The following SLC35E2B variants were observed in gnomAD, a reference collection of about 807,000 sequenced individuals.
SLC35E2B encodes the protein solute carrier family 35, member E2B.
SLC35E2B carries 18 observed loss-of-function variants against 32.4 expected under a neutral mutation model. The observed-to-expected ratio is 0.56, with a 90% CI of 0.38 to 0.82. The LOEUF (loss-of-function observed/expected upper bound fraction) is 0.82, where lower values mean the gene tolerates loss of function less well. Ranked by LOEUF, SLC35E2B falls within the 40% of genes least tolerant of loss-of-function variation. SLC35E2B has a pLI of 0.00. For synonymous variants in SLC35E2B, 132 were observed against 209.1 expected, an observed-to-expected ratio of 0.63 and a Z score of 3.18; for missense variants, 263 against 469.5, an observed-to-expected ratio of 0.56 and a Z score of 4.06.
chr1:1,679,504 T>C (rs1643881220), intron 2 of SLC35E2B, among the ~76,000 whole-genome samples: 2 of 152,118 alleles, frequency 1.3e-5, no homozygotes, highest in African/African-American at 4.8e-5. Flanking sequence ...CACACTTCAC[T>C]GACGCTGCCG....
chr1:1,670,423 AT>A (rs34950577), intron 6 of SLC35E2B: 75,461 of 211,734 alleles, frequency 0.36, 10,118 homozygotes, highest in Non-Finnish European at 0.45. Flanking sequence ...CGCCCAACAG[AT>A]TTTTTTTTTT....
rs1271154486 is a variant in SLC35E2B at position 1,688,635 on chromosome 1, A to G, written c.-148+2341T>C. Among the ~76,000 whole-genome samples the G allele has an allele frequency of 2.0e-5, 3 of 151,220 alleles. No homozygotes were observed. In the East Asian group the frequency reaches 5.8e-4, roughly 29 times the overall value. On this transcript the variant is annotated intron_variant, in intron 2 of 9. Transcript: ENST00000617444. ...AAAGCTTAGAAACAAGAGGCTATGT[A>G]GTCTCGAGATAGATCCAGCCCTATG...
chr1:1,679,258 C>G (rs182818701), intron 2 of SLC35E2B, among the ~76,000 whole-genome samples: 1 of 152,174 alleles, frequency 6.6e-6, no homozygotes, highest in Non-Finnish European at 1.5e-5. Context: ...CACCTGACGT[C>G]GAGGCAAACC....
chr1:1,687,625 C>T (rs993999116), intron 2 of SLC35E2B, among the ~76,000 whole-genome samples: 1 of 151,764 alleles, frequency 6.6e-6, no homozygotes, highest in Non-Finnish European at 1.5e-5. Context: ...GTCCCAGCTA[C>T]TTGGCATGCT....
intron 2 of SLC35E2B, among the ~76,000 whole-genome samples, chr1:1,687,032 G>A (rs1643959604): frequency 6.6e-6 from 1 of 152,092 alleles, no homozygotes; most frequent in Non-Finnish European, 1.5e-5. Flanking sequence ...CTCCAGCCTG[G>A]GCCACAGAGT....
chr1:1,667,860 T>G (rs932512528), intron 9 of SLC35E2B, among the ~76,000 whole-genome samples: 2 of 152,004 alleles, frequency 1.3e-5, no homozygotes, highest in Admixed American at 6.6e-5. Context: ...TTTTCTGTTT[T>G]TTTTTTTTTG....
At chr1:1,671,228 C>T (rs1469236817) in intron 6 of SLC35E2B, 2 of 247,682 alleles carry the variant, frequency 8.1e-6, no homozygotes, top group Non-Finnish European at 1.5e-5. Context: ...GAGCGAGACA[C>T]ACTGCTGAGC....
chr1:1,663,738 C>G lies in SLC35E2B; in HGVS notation c.*2044G>C, dbSNP rs374765976. 1,609 of 625,370 alleles carry G rather than the reference C, an allele frequency of 2.6e-3. 147 individuals carry two copies. Among genetic ancestry groups the G allele is most frequent in the Non-Finnish European group, 2.9e-3 (1,458 of 496,818 alleles). 38.7% of individuals were successfully genotyped at this position (625,370 alleles called of 1,614,324 possible). A position where few individuals can be genotyped will look rare whatever the true frequency, so the allele number is the denominator to read the frequency against. On this transcript the variant is annotated 3_prime_UTR_variant, in exon 10 of 10. Coordinates refer to ENST00000617444, the MANE Select transcript of SLC35E2B (RefSeq NM_001290264.2). The stretch of plus-strand genomic sequence containing the variant: ...CCAGCTGCTGCCTCCCAAAGTGCTG[C>G]GATTAGAGGCGTGAGCCACCGCACC...
chr1:1,685,239 T>C (rs1227442462), intron 2 of SLC35E2B, among the ~76,000 whole-genome samples: 1 of 151,162 alleles, frequency 6.6e-6, no homozygotes, highest in Non-Finnish European at 1.5e-5. Context: ...CTGGGTAATA[T>C]GACGAAACCT....
Position 1,665,640 on chromosome 1 carries a change from G to T in SLC35E2B, c.*142C>A. ...GTTTGAGTTTCTGCTGGTCTTCACCGACAAACCGAGAAAGCCGCAGGCAAT... is the reference window on the plus strand; with the variant it reads ...GTTTGAGTTTCTGCTGGTCTTCACCTACAAACCGAGAAAGCCGCAGGCAAT... On this transcript the variant is annotated 3_prime_UTR_variant, in exon 10 of 10. Transcript: ENST00000617444. 1 of 1,339,190 alleles carries T rather than the reference G, an allele frequency of 7.5e-7. No homozygotes were observed. Among genetic ancestry groups the T allele is most frequent in the Non-Finnish European group, 9.9e-7 (1 of 1,009,208 alleles). The allele number at this position is 1,339,190 out of a possible 1,614,324, so 83.0% of individuals were successfully genotyped here.
chr1:1,686,980 C>T (rs1275897139), intron 2 of SLC35E2B, among the ~76,000 whole-genome samples: 3 of 151,646 alleles, frequency 2.0e-5, no homozygotes, highest in East Asian at 1.9e-4. Context: ...GGCGAGAACC[C>T]AGGAGGCGGA....
intron 7 of SLC35E2B, 44 bp downstream of exon 7, chr1:1,670,054 C>T: frequency 6.7e-7 from 1 of 1,491,470 alleles, no homozygotes; most frequent in Non-Finnish European, 9.2e-7. Flanking sequence ...AGGAAGTCCT[C>T]TTCGTCTTAT....
chr1:1,668,441 C>T lies in SLC35E2B; in HGVS notation c.866G>A (p.Ser289Asn), dbSNP rs750547118. The T allele has an allele frequency of 5.2e-5, 84 of 1,613,472 alleles. No individual in the cohort carries two copies. The South Asian group carries it at 9.0e-4, about 17-fold the overall frequency. The change falls in exon 9 of 10, where the codon AGC becomes AAC. Residue 289 changes from serine (S) to asparagine (N), a missense_variant. Physicochemically the swap from Ser to Asn is conservative, Grantham distance 46 (BLOSUM62 1). Around this residue, in one of 7 missense-constraint regions of SLC35E2B, gnomAD observed 8 missense variants for 45.9 expected, o/e 0.17. Transcript: ENST00000617444. The stretch of plus-strand genomic sequence containing the variant: ...CACCACGTCCTGGTTGTAGCTGAAG[C>T]TCTTCCCACTCCTCCCGATCACTGG... ...DVPVIGRSGK[S>N]FSYNQDVVLL... is the part of the protein sequence containing the mutation.
intron 8 of SLC35E2B, 146 bp downstream of exon 8, chr1:1,669,518 C>T (rs1643629686): frequency 3.0e-6 from 2 of 660,466 alleles, no homozygotes; most frequent in Non-Finnish European, 4.9e-6. Flanking sequence ...GAGTGGCTCC[C>T]AGGGCAACTC....
intron 2 of SLC35E2B, among the ~76,000 whole-genome samples, chr1:1,685,543 T>C (rs1643940137): frequency 6.6e-6 from 1 of 151,994 alleles, no homozygotes; most frequent in African/African-American, 2.4e-5. Context: ...CAGGTCTGAC[T>C]TTCAGAACCA....
At chr1:1,680,024 G>A (rs886697349) in intron 2 of SLC35E2B, among the ~76,000 whole-genome samples, 10 of 151,972 alleles carry the variant, frequency 6.6e-5, no homozygotes, top group South Asian at 6.2e-4. Context: ...CTACTCAGGA[G>A]GCTGAGGCAG....
At chr1:1,670,217 G>A in intron 6 of SLC35E2B, 66 bp from the exon 7 acceptor site, 2 of 1,190,112 alleles carry the variant, frequency 1.7e-6, no homozygotes, top group South Asian at 2.6e-5. Flanking sequence ...GGGGGAGAAG[G>A]TGTCTGCGCT....
In SLC35E2B at chr1:1,677,569, C is replaced by G. The variant is rs187704082; in HGVS notation, c.-147-723G>C. Among the ~76,000 whole-genome samples, 194 of 151,712 alleles carry G rather than the reference C, an allele frequency of 1.3e-3. 5 individuals carry two copies. The highest frequency in any genetic ancestry group is 8.2e-3 in the East Asian group (42 of 5,148). ...CTGGGCTCACTGCAAGCTCCGCCTC[C>G]CGGGTTCTCGCCATTCTCCTGCCTC... On this transcript the variant is annotated intron_variant, in intron 2 of 9. Coordinates refer to ENST00000617444, the MANE Select transcript of SLC35E2B (RefSeq NM_001290264.2).
rs968802143 is a variant in SLC35E2B, at chr1:1,664,397, C to G, written c.*1385G>C. ...CCATGGGTGCCAAAGGCCTAAAGAG[C>G]AGGCAGGGAAATGAGACTCGGGACC... On this transcript the variant is annotated 3_prime_UTR_variant, in exon 10 of 10. Transcript: ENST00000617444. 79 of 927,198 alleles carry G rather than the reference C, an allele frequency of 8.5e-5. 6 individuals carry two copies. The highest frequency in any genetic ancestry group is 9.9e-5 in the Non-Finnish European group (77 of 777,680). The allele number at this position is 927,198 out of a possible 1,614,324, so 57.4% of individuals were successfully genotyped here.
Sources: allele counts gnomAD v4.1 joint callset (sites outside exome capture counted in the v4.1 genomes callset), GRCh38; gene constraint gnomAD v4.1.1; regional missense constraint gnomAD v4.1.1; transcripts MANE v1.5; gene names NCBI Gene and HGNC (gene_info 2026-07-23, HGNC 2026-07-21).